Variants in SOX5 observed in about 807,000 individuals in gnomAD.
The protein encoded by SOX5 is transcription factor SOX-5.
A neutral mutation model predicts 92.0 loss-of-function variants in SOX5; 9 were observed. The observed-to-expected ratio is 0.10, with a 90% CI of 0.06 to 0.17. The LOEUF (loss-of-function observed/expected upper bound fraction) is 0.17, where lower values mean the gene tolerates loss of function less well. Among genes scored for constraint, SOX5 ranks in the 10% least tolerant of loss-of-function variants. The pLI is 1.00. For synonymous variants in SOX5, 344 were observed against 336.3 expected, an observed-to-expected ratio of 1.02 and a Z score of -0.25; for missense variants, 642 against 944.5, an observed-to-expected ratio of 0.68 and a Z score of 4.20.
At chr12:23,910,336 T>C (rs971643368) in intron 1 of SOX5, among the ~76,000 whole-genome samples, 2 of 152,188 alleles carry the variant, frequency 1.3e-5, no homozygotes, top group Non-Finnish European at 2.9e-5. Flanking sequence ...AAGATATGAT[T>C]CTGAAATTTG....
chr12:24,046,242 A>G (rs1185647897), intron 4 of SOX5, among the ~76,000 whole-genome samples: 1 of 149,378 alleles, frequency 6.7e-6, no homozygotes, highest in Non-Finnish European at 1.5e-5. Context: ...CAAGAAGAGA[A>G]TTTCTAAAAG....
chr12:23,650,256 G>C (rs755807184), intron 7 of SOX5, among the ~76,000 whole-genome samples: 3 of 152,056 alleles, frequency 2.0e-5, no homozygotes, highest in Admixed American at 6.6e-5. Context: ...GATAGTCAAG[G>C]AATTGTATTT....
chr12:24,515,882 G>T (rs901341796), intron 1 of SOX5, among the ~76,000 whole-genome samples: 12 of 152,238 alleles, frequency 7.9e-5, no homozygotes, highest in Admixed American at 2.0e-4. Context: ...GTGACTGGAA[G>T]CTTAAACTCA....
intron 4 of SOX5, among the ~76,000 whole-genome samples, chr12:24,186,697 C>T (rs577873931): frequency 6.6e-6 from 1 of 151,900 alleles, no homozygotes; most frequent in South Asian, 2.1e-4. Context: ...AAAAAGTAGG[C>T]TCTAAAACTA....
chr12:23,575,199 T>C (rs1223150283), intron 10 of SOX5, among the ~76,000 whole-genome samples: 4 of 152,188 alleles, frequency 2.6e-5, no homozygotes, highest in African/African-American at 9.6e-5. Context: ...ACTTTGGTGT[T>C]TGCAAGTAAT....
At chr12:23,880,461 A>C (rs1291550968) in intron 2 of SOX5, among the ~76,000 whole-genome samples, 42 of 152,320 alleles carry the variant, frequency 2.8e-4, no homozygotes, top group Non-Finnish European at 8.8e-5. Context: ...GGAGAAAAAA[A>C]ATTCTTACCA....
At chr12:24,378,906 T>C (rs928993884) in intron 1 of SOX5, among the ~76,000 whole-genome samples, 9 of 152,224 alleles carry the variant, frequency 5.9e-5, no homozygotes, top group African/African-American at 2.2e-4. Flanking sequence ...AGCCATCCTC[T>C]GCCCCAAACC....
chr12:23,800,474 A>C (rs1315396610), intron 3 of SOX5, among the ~76,000 whole-genome samples: 1 of 152,034 alleles, frequency 6.6e-6, no homozygotes, highest in Non-Finnish European at 1.5e-5. Context: ...TAAAACGTAC[A>C]TGATGATGAC....
chr12:24,503,436 T>C (rs1209984283), intron 1 of SOX5, among the ~76,000 whole-genome samples: 1 of 152,190 alleles, frequency 6.6e-6, no homozygotes, highest in East Asian at 1.9e-4. Flanking sequence ...TGAGGAATTA[T>C]ATAACGAGGC....
chr12:23,671,987 A>C (rs1392969984), intron 6 of SOX5, among the ~76,000 whole-genome samples: 2 of 152,156 alleles, frequency 1.3e-5, no homozygotes, highest in African/African-American at 4.8e-5. Flanking sequence ...TTTGCCAAGC[A>C]AAGTGGCTTC....
intron 4 of SOX5, among the ~76,000 whole-genome samples, chr12:24,055,994 T>C (rs566589155): frequency 2.0e-5 from 3 of 152,280 alleles, no homozygotes; most frequent in South Asian, 2.1e-4. Flanking sequence ...GGGGATAGCA[T>C]TGAACACTCT....
At chr12:24,242,106 A>G (rs1179124889) in intron 3 of SOX5, among the ~76,000 whole-genome samples, 1 of 152,156 alleles carries the variant, frequency 6.6e-6, no homozygotes, top group Non-Finnish European at 1.5e-5. Flanking sequence ...TGTTTTGTAA[A>G]GTTATGTGAA....
chr12:24,255,016 A>AGAAAAGAAAGCAATGC (rs1940903278), intron 3 of SOX5, among the ~76,000 whole-genome samples: 1 of 152,154 alleles, frequency 6.6e-6, no homozygotes, highest in Non-Finnish European at 1.5e-5. Context: ...AAGAGAAACA[A>AGAAAAGAAAGCAATGC]GAAAAGAAAG....
chr12:24,222,422 G>C (rs545858615), intron 3 of SOX5, among the ~76,000 whole-genome samples: 4 of 152,202 alleles, frequency 2.6e-5, no homozygotes, highest in African/African-American at 7.2e-5. Flanking sequence ...GACTGGACAG[G>C]GGTATGAGTG....
chr12:23,602,153 T>C (rs2074586252), intron 9 of SOX5, among the ~76,000 whole-genome samples: 1 of 152,086 alleles, frequency 6.6e-6, no homozygotes, highest in Non-Finnish European at 1.5e-5. Context: ...TGTATAATCA[T>C]GGCTATAGAA....
intron 1 of SOX5, among the ~76,000 whole-genome samples, chr12:24,419,289 C>A (rs951001159): frequency 3.3e-5 from 5 of 152,062 alleles, no homozygotes; most frequent in Non-Finnish European, 7.4e-5. Flanking sequence ...AGGTGCACAC[C>A]ACCATGCCAG....
chr12:24,137,882 A>C (rs910220804), intron 4 of SOX5, among the ~76,000 whole-genome samples: 2 of 152,240 alleles, frequency 1.3e-5, no homozygotes, highest in African/African-American at 4.8e-5. Context: ...GTGCCTTTTA[A>C]CTAGATATGA....
chr12:23,895,208 CAAAAA>C (rs33970684), intron 2 of SOX5, among the ~76,000 whole-genome samples: 94 of 91,308 alleles, frequency 1.0e-3, no homozygotes, highest in Admixed American at 3.4e-3. Context: ...GAATAGGATG[CAAAAA>C]AAAAAAAAAA....
At chr12:23,877,156 T>G (rs972457516) in intron 2 of SOX5, among the ~76,000 whole-genome samples, 15 of 152,084 alleles carry the variant, frequency 9.9e-5, no homozygotes, top group Admixed American at 8.5e-4. Context: ...AAAATAAAAC[T>G]TTCTCTAATT....
Sources: allele counts gnomAD v4.1 joint callset (sites outside exome capture counted in the v4.1 genomes callset), GRCh38; gene constraint gnomAD v4.1.1; transcripts MANE v1.5; gene names NCBI Gene and HGNC (gene_info 2026-07-23, HGNC 2026-07-21).